ARRB1: variants seen among roughly 807,000 people sequenced by gnomAD.
ARRB1 encodes beta-arrestin-1.
In ARRB1, 21 loss-of-function variants were observed where a neutral mutation model predicts 56.8. The observed-to-expected ratio is 0.37, with a 90% CI of 0.26 to 0.53. The LOEUF (loss-of-function observed/expected upper bound fraction) is 0.53, where lower values mean the gene tolerates loss of function less well. Ranked by LOEUF, ARRB1 falls within the 20% of genes least tolerant of loss-of-function variation. The probability of loss-of-function intolerance (pLI) is 0.88; values close to 1 mark genes in which losing one functional copy is unlikely to be tolerated. For synonymous variants in ARRB1, 210 were observed against 218.6 expected (o/e 0.96, Z 0.35); for missense variants, 424 against 553.7 (o/e 0.77, Z 2.35).
chr11:75,326,238 G>C (rs1235191986), intron 1 of ARRB1, among the ~76,000 whole-genome samples: 1 of 152,180 alleles, frequency 6.6e-6, no homozygotes, highest in Non-Finnish European at 1.5e-5. Flanking sequence ...GCTCCTGAGA[G>C]AGGCACTGAG....
rs1050451494 is a variant in ARRB1, at chr11:75,346,194, T to C, written c.20+5394A>G. ...CTTACTCCTGCCTAAGTCTTTCTCATACTCCAGCACCCAGCTCCGGGGTCA... is the reference window on the plus strand; with the variant it reads ...CTTACTCCTGCCTAAGTCTTTCTCACACTCCAGCACCCAGCTCCGGGGTCA... On this transcript the variant is annotated intron_variant, in intron 1 of 15. Coordinates refer to ENST00000420843, the MANE Select transcript of ARRB1 (RefSeq NM_004041.5). 7.2e-5 allele frequency among the ~76,000 whole-genome samples: 11 copies of C among 152,226 alleles called. 1 individual carries two copies. The highest frequency in any genetic ancestry group is 5.2e-4 in the Admixed American group (8 of 15,280).
intron 1 of ARRB1, among the ~76,000 whole-genome samples, chr11:75,340,542 C>A (rs1232526176): frequency 6.6e-6 from 1 of 152,236 alleles, no homozygotes; most frequent in Non-Finnish European, 1.5e-5. Flanking sequence ...CCCAGCACTA[C>A]GAGGAGAGGC....
At chr11:75,312,140 C>T (rs1157903324) in intron 1 of ARRB1, 1 of 1,289,478 alleles carries the variant, frequency 7.8e-7, no homozygotes, top group Admixed American at 2.3e-5. Context: ...TGGCCTCTCC[C>T]TTCTCCTTCC....
intron 2 of ARRB1, among the ~76,000 whole-genome samples, chr11:75,289,689 G>A (rs546852438): frequency 1.3e-5 from 2 of 152,242 alleles, no homozygotes; most frequent in South Asian, 2.1e-4. Flanking sequence ...ACTCCCCCAC[G>A]GCCCTCGGCG....
chr11:75,319,345 G>A (rs904348514), intron 1 of ARRB1, among the ~76,000 whole-genome samples: 1 of 152,174 alleles, frequency 6.6e-6, no homozygotes, highest in South Asian at 2.1e-4. Context: ...CAGGTGAGGG[G>A]GCCAATCACT....
chr11:75,314,343 G>A (rs150272347), intron 1 of ARRB1, among the ~76,000 whole-genome samples: 2,730 of 152,306 alleles, frequency 0.018, 175 homozygotes, highest in Admixed American at 0.12. Flanking sequence ...ACTGGATGCC[G>A]CAGGGCATGG....
intron 1 of ARRB1, among the ~76,000 whole-genome samples, chr11:75,350,547 C>T (rs890505770): frequency 2.0e-5 from 3 of 152,200 alleles, no homozygotes; most frequent in Admixed American, 6.5e-5. Context: ...GTCTGAAGGG[C>T]TGCCCCCAGG....
intron 1 of ARRB1, among the ~76,000 whole-genome samples, chr11:75,307,318 A>C (rs1947054921): frequency 6.6e-6 from 1 of 152,212 alleles, no homozygotes; most frequent in South Asian, 2.1e-4. Flanking sequence ...AGCCTCCATC[A>C]GACAGGGGTC....
At chr11:75,318,168 T>TC (rs1947293272) in intron 1 of ARRB1, among the ~76,000 whole-genome samples, 1 of 131,572 alleles carries the variant, frequency 7.6e-6, no homozygotes, top group African/African-American at 2.7e-5. Context: ...TTTTTTTTTT[T>TC]TTTTTTGAGA....
intron 1 of ARRB1, among the ~76,000 whole-genome samples, chr11:75,334,306 CAAAAA>C (rs11403871): frequency 9.1e-6 from 1 of 109,722 alleles, no homozygotes; most frequent in Non-Finnish European, 1.8e-5. Context: ...CCGTCTCAAA[CAAAAA>C]AAAAAAAAAA....
intron 1 of ARRB1, among the ~76,000 whole-genome samples, chr11:75,310,235 T>A (rs926387934): frequency 6.6e-6 from 1 of 152,112 alleles, no homozygotes; most frequent in African/African-American, 2.4e-5. Flanking sequence ...ACCTGGATAA[T>A]AGGGCAACAC....
At chr11:75,348,634 C>G (rs1165408584) in intron 1 of ARRB1, among the ~76,000 whole-genome samples, 1 of 151,632 alleles carries the variant, frequency 6.6e-6, no homozygotes, top group Non-Finnish European at 1.5e-5. Context: ...GTCTCACTCT[C>G]TCATCCAGGC....
chr11:75,287,841 C>T (rs531138544), intron 2 of ARRB1, among the ~76,000 whole-genome samples: 3 of 152,206 alleles, frequency 2.0e-5, no homozygotes, highest in South Asian at 4.1e-4. Context: ...TCCACTGATA[C>T]GAGGACTCGT....
chr11:75,292,282 G>C (rs1946628694), intron 1 of ARRB1, among the ~76,000 whole-genome samples: 1 of 152,070 alleles, frequency 6.6e-6, no homozygotes, highest in African/African-American at 2.4e-5. Context: ...TAGGATTACA[G>C]GCATGCACCA....
intron 1 of ARRB1, among the ~76,000 whole-genome samples, chr11:75,295,120 G>A (rs567599968): frequency 2.0e-5 from 3 of 150,974 alleles, no homozygotes; most frequent in African/African-American, 7.3e-5. Flanking sequence ...CTACTCGAAC[G>A]CTGAGATGGG....
chr11:75,322,487 C>T (rs1947363006), intron 1 of ARRB1, among the ~76,000 whole-genome samples: 2 of 152,074 alleles, frequency 1.3e-5, no homozygotes, highest in South Asian at 4.1e-4. Flanking sequence ...GCCTGGGCAA[C>T]AGAGCAAGAC....
At chr11:75,314,440 G>A (rs910143363) in intron 1 of ARRB1, among the ~76,000 whole-genome samples, 8 of 152,200 alleles carry the variant, frequency 5.3e-5, no homozygotes, top group Non-Finnish European at 1.0e-4. Context: ...AACACAAGGT[G>A]TCCCCTTAAG....
At chr11:75,276,979 C>T in intron 9 of ARRB1, 68 bp from the exon 10 acceptor site, 1 of 1,537,948 alleles carries the variant, frequency 6.5e-7, no homozygotes, top group Non-Finnish European at 9.0e-7. Context: ...TCACAGGCGT[C>T]CCCGGGTTGG....
chr11:75,335,109 T>TG, intron 1 of ARRB1: 1 of 190,394 alleles, frequency 5.3e-6, no homozygotes, highest in Non-Finnish European at 1.3e-5. Context: ...GCCTCGGGGC[T>TG]GGAGGAAGGG....
Sources: allele counts gnomAD v4.1 joint callset (sites outside exome capture counted in the v4.1 genomes callset), GRCh38; gene constraint gnomAD v4.1.1; transcripts MANE v1.5; gene names NCBI Gene and HGNC (gene_info 2026-07-23, HGNC 2026-07-21).